Variants in KAT2B observed in about 807,000 individuals in gnomAD.
KAT2B encodes lysine acetyltransferase 2B.
Under a neutral mutation model 105.9 loss-of-function variants are expected in KAT2B, and 36 were observed. The ratio of observed to expected loss-of-function variants is 0.34; its 90% confidence interval spans 0.26 to 0.45. The LOEUF is 0.45. KAT2B is among the 20% of genes least tolerant of loss of function. The probability of loss-of-function intolerance (pLI) is 1.00; values close to 1 mark genes in which losing one functional copy is unlikely to be tolerated. For missense variants in KAT2B, 820 were observed against 1,021.6 expected, an observed-to-expected ratio of 0.80 and a Z score of 2.69; for synonymous variants, 397 against 377.9, an observed-to-expected ratio of 1.05 and a Z score of -0.59.
chr3:20,068,152 A>T (rs1451025983), intron 1 of KAT2B, among the ~76,000 whole-genome samples: 1 of 150,272 alleles, frequency 6.7e-6, no homozygotes, highest in Non-Finnish European at 1.5e-5. Flanking sequence ...GTGCACCACC[A>T]TGCCGACTAA....
At chr3:20,106,411 A>G (rs1358322473) in intron 5 of KAT2B, among the ~76,000 whole-genome samples, 18 of 151,676 alleles carry the variant, frequency 1.2e-4, no homozygotes, top group Non-Finnish European at 2.9e-5. Context: ...AATAATATCA[A>G]TCAATTTATT....
At chr3:20,083,911 C>T (rs770271757) in intron 2 of KAT2B, among the ~76,000 whole-genome samples, 44 of 151,988 alleles carry the variant, frequency 2.9e-4, no homozygotes, top group Non-Finnish European at 5.0e-4. Flanking sequence ...TGGTGGTGCA[C>T]CTATTTTGTT....
At chr3:20,141,739 A>C (rs17006645) in intron 13 of KAT2B, among the ~76,000 whole-genome samples, 8,094 of 151,386 alleles carry the variant, frequency 0.053, 501 homozygotes, top group South Asian at 0.32. Context: ...CTTTTACTTA[A>C]AGTGGCTCAG....
Position 20,040,637 on chromosome 3 carries a change from C to A in KAT2B, c.160C>A (p.Pro54Thr). 7.1e-7 allele frequency: 1 copy of A among 1,400,382 alleles called. No individual in the cohort carries two copies. The highest frequency in any genetic ancestry group is 3.4e-5 in the Admixed American group (1 of 29,466). The allele number at this position is 1,400,382 out of a possible 1,614,324, so 86.7% of individuals were successfully genotyped here. A position where few individuals can be genotyped will look rare whatever the true frequency, so the allele number is the denominator to read the frequency against. The change falls in exon 1 of 18, where the codon CCG becomes ACG. Residue 54 changes from proline to threonine, a missense_variant. Physicochemically the swap from Pro to Thr is conservative, Grantham distance 38. Coordinates refer to ENST00000263754, the MANE Select transcript of KAT2B (RefSeq NM_003884.5). ...CGCCGGGGGCTCGGGCGCCTGCGGT[C>A]CGGCGACGGCAGTGGCTGCAGCGGG... The part of the protein sequence containing the change: ...AAAGGSGACG[P>T]ATAVAAAGTA...
chr3:20,072,601 C>T (rs1388919677), intron 2 of KAT2B, 142 bp downstream of exon 2: 37 of 773,284 alleles, frequency 4.8e-5, no homozygotes, highest in South Asian at 3.4e-5. Flanking sequence ...TCTAGTCTCA[C>T]GAGTTTGCTG....
rs1400737917 is a variant in KAT2B at position 20,111,613 on chromosome 3, A to G, written c.869A>G (p.Asn290Ser). 2.9e-5 allele frequency: 47 copies of G among 1,610,842 alleles called. No individual in the cohort carries two copies. The highest frequency in any genetic ancestry group is 3.8e-5 in the Non-Finnish European group (45 of 1,178,710). Residue 290 changes from asparagine to serine, a missense_variant, in exon 6 of 18, where the codon AAC becomes AGC. Asn to Ser is a conservative substitution (Grantham distance 46, BLOSUM62 1). Coordinates refer to ENST00000263754, the MANE Select transcript of KAT2B (RefSeq NM_003884.5). Reference sequence around the variant, plus strand: ...TGTCACAGGTGGCTGTGTTACTGCAACGTGCCACAGTTCTGCGACAGTCTA... The same window carrying G: ...TGTCACAGGTGGCTGTGTTACTGCAGCGTGCCACAGTTCTGCGACAGTCTA... ...ENYTRWLCYC[N>S]VPQFCDSLPR...
intron 1 of KAT2B, among the ~76,000 whole-genome samples, chr3:20,047,925 C>T (rs1297946971): frequency 6.6e-6 from 1 of 152,030 alleles, no homozygotes; most frequent in Non-Finnish European, 1.5e-5. Context: ...CCATGAATAC[C>T]TTTTTAAAGT....
chr3:20,145,033 G>A (rs922721540), intron 13 of KAT2B, among the ~76,000 whole-genome samples: 1 of 151,834 alleles, frequency 6.6e-6, no homozygotes, highest in Admixed American at 6.6e-5. Flanking sequence ...CTCACCTCAA[G>A]TGATCCACCC....
At chr3:20,079,897 G>A (rs1698490160) in intron 2 of KAT2B, among the ~76,000 whole-genome samples, 1 of 152,186 alleles carries the variant, frequency 6.6e-6, no homozygotes, top group African/African-American at 2.4e-5. Flanking sequence ...GGGCACAGCA[G>A]GAGTTAAGGG....
chr3:20,061,828 T>TATGTA (rs1330098998), intron 1 of KAT2B, among the ~76,000 whole-genome samples: 1 of 85,858 alleles, frequency 1.2e-5, no homozygotes, highest in Non-Finnish European at 2.6e-5. Context: ...AAGTATATAA[T>TATGTA]ATATAATATA....
chr3:20,116,339 C>T (rs982257010), intron 7 of KAT2B, among the ~76,000 whole-genome samples: 4 of 152,152 alleles, frequency 2.6e-5, no homozygotes, highest in African/African-American at 9.7e-5. Flanking sequence ...TAAGTTCTCC[C>T]ATCCCCTCTA....
At chr3:20,104,949 C>T (rs1233083234) in intron 5 of KAT2B, among the ~76,000 whole-genome samples, 4 of 149,628 alleles carry the variant, frequency 2.7e-5, no homozygotes, top group Admixed American at 6.7e-5. Flanking sequence ...TGCAGTGGCG[C>T]GACTCAGCTC....
At chr3:20,076,908 G>A (rs984912808) in intron 2 of KAT2B, among the ~76,000 whole-genome samples, 35 of 152,278 alleles carry the variant, frequency 2.3e-4, no homozygotes, top group African/African-American at 7.5e-4. Flanking sequence ...TTGTACACAC[G>A]AAATGAAATA....
At chr3:20,128,940 G>C (rs1246464479) in intron 11 of KAT2B, among the ~76,000 whole-genome samples, 1 of 148,452 alleles carries the variant, frequency 6.7e-6, no homozygotes, top group Non-Finnish European at 1.5e-5. Flanking sequence ...CCGGGAGGCG[G>C]AGGTTGCAGT....
chr3:20,085,638 G>A (rs542626370), intron 2 of KAT2B, among the ~76,000 whole-genome samples: 1 of 151,704 alleles, frequency 6.6e-6, no homozygotes, highest in South Asian at 2.1e-4. Flanking sequence ...AGCCTCCCGA[G>A]TCGCTGGGAC....
chr3:20,053,100 T>A, intron 1 of KAT2B, among the ~76,000 whole-genome samples: 1 of 152,228 alleles, frequency 6.6e-6, no homozygotes, highest in East Asian at 1.9e-4. Flanking sequence ...GTGTTTCCCC[T>A]TGGTTCATGG....
At chr3:20,146,288 A>G in intron 13 of KAT2B, 28 bp from the exon 14 acceptor site, 2 of 1,323,062 alleles carry the variant, frequency 1.5e-6, no homozygotes, top group Non-Finnish European at 2.2e-6. Flanking sequence ...TTCTTTCCCT[A>G]AACACATTTC....
intron 5 of KAT2B, among the ~76,000 whole-genome samples, chr3:20,106,452 C>CAG (rs1553592038): frequency 3.9e-5 from 6 of 151,928 alleles, no homozygotes; most frequent in Admixed American, 6.5e-5. Context: ...CACACACACA[C>CAG]ACACACACAC....
intron 2 of KAT2B, among the ~76,000 whole-genome samples, chr3:20,092,975 C>G (rs560165795): frequency 1.3e-5 from 2 of 152,322 alleles, no homozygotes; most frequent in African/African-American, 4.8e-5. Context: ...GCTGGGATTA[C>G]AGGTGTGAGC....
Sources: allele counts gnomAD v4.1 joint callset (sites outside exome capture counted in the v4.1 genomes callset), GRCh38; gene constraint gnomAD v4.1.1; transcripts MANE v1.5; gene names NCBI Gene and HGNC (gene_info 2026-07-23, HGNC 2026-07-21).